NSMCE2: variants seen among roughly 807,000 people sequenced by gnomAD.
NSMCE2 encodes the protein NSE2 SUMO ligase component of SMC5/6 complex, also known as E3 SUMO-protein ligase NSE2.
Under a neutral mutation model 23.8 loss-of-function variants are expected in NSMCE2, and 24 were observed. The ratio of observed to expected loss-of-function variants is 1.01; its 90% CI spans 0.73 to 1.42. NSMCE2 has a LOEUF of 1.42. Ranked by LOEUF, NSMCE2 falls within the 40% of genes most tolerant of loss-of-function variation. The probability of loss-of-function intolerance (pLI) is 0.00; values close to 1 mark genes in which losing one functional copy is unlikely to be tolerated. For missense variants in NSMCE2, 284 were observed against 296.5 expected, an observed-to-expected ratio of 0.96 and a Z score of 0.31; for synonymous variants, 92 against 94.1, an observed-to-expected ratio of 0.98 and a Z score of 0.13.
intron 3 of NSMCE2, among the ~76,000 whole-genome samples, chr8:125,110,280 T>C (rs1406463791): frequency 6.6e-6 from 1 of 152,224 alleles, no homozygotes; most frequent in Admixed American, 6.5e-5. Context: ...AGATTCTTGC[T>C]AAATATTTGA....
At chr8:125,215,048 A>AT (rs1449997151) in intron 5 of NSMCE2, among the ~76,000 whole-genome samples, 136 of 142,550 alleles carry the variant, frequency 9.5e-4, no homozygotes, top group African/African-American at 3.8e-3. Context: ...TTTATTTATT[A>AT]TTATTATTAT....
intron 3 of NSMCE2, among the ~76,000 whole-genome samples, chr8:125,132,773 G>T (rs903630550): frequency 6.6e-6 from 1 of 152,168 alleles, no homozygotes; most frequent in African/African-American, 2.4e-5. Flanking sequence ...GGGATTATAG[G>T]TGTGAGCCAC....
At chr8:125,119,922 A>G (rs1367251275) in intron 3 of NSMCE2, among the ~76,000 whole-genome samples, 1 of 152,146 alleles carries the variant, frequency 6.6e-6, no homozygotes, top group Non-Finnish European at 1.5e-5. Context: ...TATTATTTAT[A>G]TATGTAAAGC....
chr8:125,172,278 C>T (rs556836545), intron 4 of NSMCE2, among the ~76,000 whole-genome samples: 169 of 152,290 alleles, frequency 1.1e-3, no homozygotes, highest in Non-Finnish European at 2.0e-3. Context: ...TATCTGTATT[C>T]TTGCTGCAGG....
intron 5 of NSMCE2, among the ~76,000 whole-genome samples, chr8:125,221,966 C>T (rs990411775): frequency 6.6e-6 from 1 of 152,118 alleles, no homozygotes; most frequent in African/African-American, 2.4e-5. Context: ...AATAAAAAAG[C>T]TCATTAAATC....
At chr8:125,295,259 C>T (rs939502251) in intron 5 of NSMCE2, among the ~76,000 whole-genome samples, 1 of 152,038 alleles carries the variant, frequency 6.6e-6, no homozygotes, top group African/African-American at 2.4e-5. Context: ...AATCTGGTGA[C>T]CTTTGTGTTT....
At chr8:125,101,494 C>G (rs1420983835) in intron 1 of NSMCE2, among the ~76,000 whole-genome samples, 1 of 152,070 alleles carries the variant, frequency 6.6e-6, no homozygotes, top group Non-Finnish European at 1.5e-5. Flanking sequence ...ATGAAAATAC[C>G]CCTTTTTCTG....
intron 5 of NSMCE2, among the ~76,000 whole-genome samples, chr8:125,254,292 A>G (rs1019808370): frequency 6.6e-6 from 1 of 152,228 alleles, no homozygotes; most frequent in African/African-American, 2.4e-5. Context: ...GTCAGTGCAT[A>G]GGATTTGAGT....
At chr8:125,297,218 A>C (rs1310799395) in intron 5 of NSMCE2, among the ~76,000 whole-genome samples, 3 of 151,716 alleles carry the variant, frequency 2.0e-5, no homozygotes, top group Non-Finnish European at 4.4e-5. Flanking sequence ...CTAAAGCTAC[A>C]TTCCTATAAA....
intron 5 of NSMCE2, among the ~76,000 whole-genome samples, chr8:125,246,182 T>G (rs1018383866): frequency 4.6e-5 from 7 of 151,956 alleles, no homozygotes; most frequent in African/African-American, 1.7e-4. Flanking sequence ...TTCTTTTTTC[T>G]TTTTCTTTTT....
At chr8:125,133,538 G>A (rs1347634218) in intron 3 of NSMCE2, among the ~76,000 whole-genome samples, 10 of 152,072 alleles carry the variant, frequency 6.6e-5, no homozygotes, top group African/African-American at 9.7e-5. Flanking sequence ...TCAGGAGTTC[G>A]AGATCAGCCT....
chr8:125,336,677 T>C (rs144112013), intron 5 of NSMCE2, among the ~76,000 whole-genome samples: 1 of 152,384 alleles, frequency 6.6e-6, no homozygotes, highest in Admixed American at 6.5e-5. Context: ...GGCATTTTAC[T>C]ACCTGGTATA....
At chr8:125,151,299 G>T (rs1563682147) in intron 4 of NSMCE2, 22 bp downstream of exon 4, 2 of 1,231,876 alleles carry the variant, frequency 1.6e-6, no homozygotes, top group Admixed American at 3.5e-5. Context: ...CCACTCCCTG[G>T]TTATATATTT....
intron 4 of NSMCE2, among the ~76,000 whole-genome samples, chr8:125,174,529 CA>C (rs2130779541): frequency 6.6e-6 from 1 of 152,156 alleles, no homozygotes; most frequent in East Asian, 1.9e-4. Context: ...TAATTTTTAA[CA>C]GCCTAAATGT....
intron 4 of NSMCE2, among the ~76,000 whole-genome samples, chr8:125,169,220 A>G (rs748611571): frequency 1.3e-5 from 2 of 152,136 alleles, no homozygotes; most frequent in African/African-American, 2.4e-5. Flanking sequence ...AAAGCCTGCT[A>G]TTCCTACCCG....
chr8:125,128,008 G>A (rs921416682), intron 3 of NSMCE2, among the ~76,000 whole-genome samples: 1 of 152,160 alleles, frequency 6.6e-6, no homozygotes, highest in Admixed American at 6.6e-5. Context: ...TTGGAGCATT[G>A]AAGATTTTGG....
intron 5 of NSMCE2, among the ~76,000 whole-genome samples, chr8:125,240,386 G>T (rs546504411): frequency 8.5e-5 from 13 of 152,182 alleles, no homozygotes; most frequent in South Asian, 2.1e-4. Context: ...GCCTCCCAAA[G>T]TGTTGGGATT....
chr8:125,094,758 T>C (rs1416752824), intron 1 of NSMCE2, among the ~76,000 whole-genome samples: 1 of 152,228 alleles, frequency 6.6e-6, no homozygotes, highest in East Asian at 1.9e-4. Context: ...GTGAGGACTT[T>C]CTTCTTGGCT....
chr8:125,118,074 T>C (rs1180312162), intron 3 of NSMCE2, among the ~76,000 whole-genome samples: 1 of 152,036 alleles, frequency 6.6e-6, no homozygotes, highest in Admixed American at 6.6e-5. Context: ...GGGCCAGGCA[T>C]GGAGAAGGGT....
Sources: gnomAD v4.1 joint callset for allele counts (sites outside exome capture counted in the v4.1 genomes callset) on GRCh38, gnomAD v4.1.1 for gene constraint, MANE v1.5 for transcripts, NCBI Gene and HGNC (gene_info 2026-07-23, HGNC 2026-07-21) for gene names.